GPA33: variants seen among roughly 807,000 people sequenced by gnomAD.
The protein encoded by GPA33 is cell surface A33 antigen.
GPA33 carries 27 observed loss-of-function variants against 35.6 expected under a neutral mutation model. That is an observed-to-expected ratio of 0.76 (90% CI 0.56 to 1.04). The LOEUF is 1.04. Among genes scored for constraint, GPA33 ranks in the 50% least tolerant of loss-of-function variants. The pLI is 0.00. For synonymous variants in GPA33, 176 were observed against 164.0 expected, an observed-to-expected ratio of 1.07 and a Z score of -0.56; for missense variants, 428 against 411.9, an observed-to-expected ratio of 1.04 and a Z score of -0.34.
At chr1:167,079,195 C>T (rs1666878448) in intron 1 of GPA33, among the ~76,000 whole-genome samples, 1 of 151,902 alleles carries the variant, frequency 6.6e-6, no homozygotes, top group Non-Finnish European at 1.5e-5. Context: ...AGAAAGAGCT[C>T]ATAAAGAAAA....
At chr1:167,078,990 G>A (rs1405633891) in intron 1 of GPA33, among the ~76,000 whole-genome samples, 1 of 152,092 alleles carries the variant, frequency 6.6e-6, no homozygotes, top group Non-Finnish European at 1.5e-5. Context: ...CTCTGTTGTG[G>A]AGGTGCATCC....
In GPA33 at chr1:167,054,394, G is replaced by C. The variant is rs1241787374; in HGVS notation, c.900C>G (p.Asp300Glu). The change falls in exon 7 of 7, where the codon GAC becomes GAG. Residue 300 changes from aspartate (D) to glutamate (E), a missense_variant. By Grantham distance (45) the Asp-to-Glu change is conservative. Transcript: ENST00000367868. The part of the protein sequence containing the change: ...ELSREREEED[D>E]YRQEEQRSTG... ...TGCTCCTCTGCTCTTCTTGCCTGTA[G>C]TCATCCTCCTCCTCCCTCTCTCTGG... 2 of 1,614,128 alleles carry C rather than the reference G, an allele frequency of 1.2e-6. No individual in the cohort carries two copies. The highest frequency in any genetic ancestry group is 4.5e-5 in the East Asian group (2 of 44,880).
At chr1:167,077,594 C>CA (rs561797970) in intron 1 of GPA33, among the ~76,000 whole-genome samples, 49 of 152,264 alleles carry the variant, frequency 3.2e-4, no homozygotes, top group Admixed American at 1.1e-3. Flanking sequence ...AAAACTCAAG[C>CA]AAATTCTATC....
chr1:167,087,908 T>TCACACA (rs1491326252), intron 1 of GPA33, among the ~76,000 whole-genome samples: 65 of 149,214 alleles, frequency 4.4e-4, no homozygotes, highest in African/African-American at 1.2e-3. Flanking sequence ...CCAGACTCTG[T>TCACACA]CTCACACACA....
chr1:167,090,063 T>C (rs1319891895), intron 1 of GPA33, among the ~76,000 whole-genome samples, 182 bp downstream of exon 1: 1 of 152,172 alleles, frequency 6.6e-6, no homozygotes, highest in East Asian at 1.9e-4. Flanking sequence ...TTTACTAATA[T>C]GTAAATAAAA....
At chr1:167,085,921 T>C (rs1667038319) in intron 1 of GPA33, among the ~76,000 whole-genome samples, 1 of 152,236 alleles carries the variant, frequency 6.6e-6, no homozygotes, top group Admixed American at 6.5e-5. Context: ...CCTTCCCCTC[T>C]GGATTCTGAC....
intron 1 of GPA33, among the ~76,000 whole-genome samples, chr1:167,085,099 G>T (rs1667023661): frequency 6.6e-6 from 1 of 152,182 alleles, no homozygotes; most frequent in Non-Finnish European, 1.5e-5. Context: ...AGAGATGTTG[G>T]GTTTGAAGAC....
chr1:167,064,947 A>C (rs190411409), intron 3 of GPA33, among the ~76,000 whole-genome samples: 1 of 152,198 alleles, frequency 6.6e-6, no homozygotes, highest in South Asian at 2.1e-4. Context: ...AGGGAAGCCC[A>C]TAGACTGGAG....
At chr1:167,058,294 C>A (rs1305637979) in intron 4 of GPA33, 1 of 152,092 alleles carries the variant, frequency 6.6e-6, no homozygotes, top group East Asian at 1.9e-4. Flanking sequence ...TATTTCAATT[C>A]AATTCAATAC....
chr1:167,056,359 A>G (rs1666250353), intron 4 of GPA33, among the ~76,000 whole-genome samples: 1 of 152,088 alleles, frequency 6.6e-6, no homozygotes, highest in Non-Finnish European at 1.5e-5. Flanking sequence ...ATATGAAAGA[A>G]GCCTTTGGAA....
chr1:167,088,627 A>C (rs1343240968), intron 1 of GPA33, among the ~76,000 whole-genome samples: 1 of 152,222 alleles, frequency 6.6e-6, no homozygotes, highest in Admixed American at 6.5e-5. Flanking sequence ...CATAGGAAGA[A>C]GCAAAATGTC....
At chr1:167,061,995 C>CG (rs1168418205) in intron 4 of GPA33, among the ~76,000 whole-genome samples, 8 of 151,926 alleles carry the variant, frequency 5.3e-5, no homozygotes, top group African/African-American at 1.9e-4. Flanking sequence ...ATTCTTCCCC[C>CG]GGGTCCTCAT....
chr1:167,087,170 C>T (rs1016620349), intron 1 of GPA33, among the ~76,000 whole-genome samples: 5 of 152,130 alleles, frequency 3.3e-5, no homozygotes, highest in Admixed American at 6.5e-5. Context: ...TAGGGTTCAT[C>T]CACAGTGACC....
intron 1 of GPA33, among the ~76,000 whole-genome samples, chr1:167,076,615 C>T (rs1666827792): frequency 6.6e-6 from 1 of 152,128 alleles, no homozygotes; most frequent in Non-Finnish European, 1.5e-5. Context: ...AGCCACCCTC[C>T]TGGAATGGGC....
chr1:167,086,309 G>A (rs932007694), intron 1 of GPA33, among the ~76,000 whole-genome samples: 4 of 152,248 alleles, frequency 2.6e-5, no homozygotes, highest in Non-Finnish European at 4.4e-5. Flanking sequence ...GATGGTGGGC[G>A]GGCCGCTTAT....
chr1:167,066,278 T>C (rs1046364325), intron 3 of GPA33, among the ~76,000 whole-genome samples: 3 of 152,224 alleles, frequency 2.0e-5, no homozygotes, highest in Non-Finnish European at 2.9e-5. Context: ...TGAGGCCTAC[T>C]GGCATCTACA....
rs141668937 is a variant in GPA33 at position 167,063,696 on chromosome 1, T to C, written c.457A>G (p.Ile153Val). Residue 153 changes from isoleucine (I) to valine (V), a missense_variant, in exon 4 of 7, where the codon ATA becomes GTA. Coordinates refer to ENST00000367868, the MANE Select transcript of GPA33 (RefSeq NM_005814.3). Reference sequence around the variant, plus strand: ...GTCAGCTGGATGTTGTTCCCAATTATGGTCTCTCCCTCGATGCCGCATTCT... The same window carrying C: ...GTCAGCTGGATGTTGTTCCCAATTACGGTCTCTCCCTCGATGCCGCATTCT... ...KPECGIEGET[I>V]IGNNIQLTCQ... 11 of 1,613,612 alleles carry C rather than the reference T, an allele frequency of 6.8e-6. No individual in the cohort carries two copies. Among genetic ancestry groups the C allele is most frequent in the Non-Finnish European group, 8.5e-6 (10 of 1,179,980 alleles).
At chr1:167,070,653 A>C (rs1204246299) in intron 2 of GPA33, among the ~76,000 whole-genome samples, 3 of 152,210 alleles carry the variant, frequency 2.0e-5, no homozygotes, top group Non-Finnish European at 4.4e-5. Context: ...TCAGCTCTCA[A>C]CACAGGATGG....
chr1:167,056,352 T>C (rs1224681580), intron 4 of GPA33, among the ~76,000 whole-genome samples: 2 of 152,148 alleles, frequency 1.3e-5, no homozygotes, highest in African/African-American at 4.8e-5. Flanking sequence ...TAGACTCATA[T>C]GAAAGAAGCC....
Sources: gnomAD v4.1 joint callset for allele counts (sites outside exome capture counted in the v4.1 genomes callset) on GRCh38, gnomAD v4.1.1 for gene constraint, MANE v1.5 for transcripts, NCBI Gene and HGNC (gene_info 2026-07-23, HGNC 2026-07-21) for gene names.